TMEM132C: variants seen among roughly 807,000 people sequenced by gnomAD.
TMEM132C encodes the protein transmembrane protein 132C, also known as protein phosphatase 1, regulatory subunit 152.
In TMEM132C, 29 loss-of-function variants were observed where a neutral mutation model predicts 61.4. That is an observed-to-expected ratio of 0.47 (90% CI 0.35 to 0.64). TMEM132C has a LOEUF of 0.64. Ranked by LOEUF, TMEM132C falls within the 30% of genes least tolerant of loss-of-function variation. The probability of loss-of-function intolerance (pLI) is 0.00; values close to 1 mark genes in which losing one functional copy is unlikely to be tolerated. For synonymous variants in TMEM132C, 656 were observed against 633.1 expected, an observed-to-expected ratio of 1.04 and a Z score of -0.54; for missense variants, 1,408 against 1,476.9, an observed-to-expected ratio of 0.95 and a Z score of 0.76.
intron 3 of TMEM132C, among the ~76,000 whole-genome samples, chr12:128,589,995 G>A (rs1261487537): frequency 6.6e-6 from 1 of 152,160 alleles, no homozygotes; most frequent in African/African-American, 2.4e-5. Context: ...TTCCTCAAGA[G>A]GAAGAAAAAT....
At chr12:128,539,530 A>C (rs1208123975) in intron 2 of TMEM132C, among the ~76,000 whole-genome samples, 3 of 152,302 alleles carry the variant, frequency 2.0e-5, no homozygotes, top group East Asian at 3.9e-4. Flanking sequence ...AGGCAGGGGA[A>C]TCACTTAAAC....
At chr12:128,430,379 C>T (rs1263829439) in intron 2 of TMEM132C, among the ~76,000 whole-genome samples, 1 of 152,212 alleles carries the variant, frequency 6.6e-6, no homozygotes, top group Non-Finnish European at 1.5e-5. Context: ...GCAGACAAAA[C>T]CAGTTAGGCC....
At chr12:128,635,051 A>G (rs892828372) in intron 4 of TMEM132C, among the ~76,000 whole-genome samples, 15 of 152,230 alleles carry the variant, frequency 9.9e-5, no homozygotes, top group Non-Finnish European at 1.8e-4. Context: ...TATCACCCAC[A>G]AAAAATAATG....
chr12:128,611,676 G>T (rs963858476), intron 3 of TMEM132C, among the ~76,000 whole-genome samples: 2 of 152,198 alleles, frequency 1.3e-5, no homozygotes, highest in Non-Finnish European at 2.9e-5. Flanking sequence ...TAAGCCAGAG[G>T]CAGGAAACTG....
At chr12:128,502,037 G>A (rs564464979) in intron 2 of TMEM132C, among the ~76,000 whole-genome samples, 1 of 152,302 alleles carries the variant, frequency 6.6e-6, no homozygotes, top group East Asian at 1.9e-4. Flanking sequence ...TTAGAAGAAA[G>A]TCATTCTATT....
At chr12:128,325,757 C>T (rs995295197) in intron 1 of TMEM132C, among the ~76,000 whole-genome samples, 2 of 152,176 alleles carry the variant, frequency 1.3e-5, no homozygotes, top group African/African-American at 2.4e-5. Flanking sequence ...GGTGCTCCCC[C>T]AGTTGGATCC....
chr12:128,358,492 A>G (rs1873589225), intron 1 of TMEM132C, among the ~76,000 whole-genome samples: 1 of 26,144 alleles, frequency 3.8e-5, no homozygotes, highest in African/African-American at 1.4e-4. Flanking sequence ...CACTTTTAAA[A>G]TTGTGTGTGT....
At chr12:128,268,157 G>A (rs2135884854) in intron 1 of TMEM132C, among the ~76,000 whole-genome samples, 1 of 152,296 alleles carries the variant, frequency 6.6e-6, no homozygotes, top group African/African-American at 2.4e-5. Flanking sequence ...CCCTCGCGAC[G>A]GGAACTACCT....
At chr12:128,402,598 A>G (rs1875200071) in intron 1 of TMEM132C, among the ~76,000 whole-genome samples, 1 of 152,136 alleles carries the variant, frequency 6.6e-6, no homozygotes, top group Non-Finnish European at 1.5e-5. Flanking sequence ...GGAGAGCCCC[A>G]GCCTGAGCCA....
chr12:128,694,382 A>T (rs1048521180), intron 6 of TMEM132C, among the ~76,000 whole-genome samples: 1 of 152,194 alleles, frequency 6.6e-6, no homozygotes, highest in African/African-American at 2.4e-5. Context: ...CCTGTGCTTT[A>T]TGCATATCTA....
chr12:128,602,549 G>C (rs1036049883), intron 3 of TMEM132C, among the ~76,000 whole-genome samples: 4 of 152,222 alleles, frequency 2.6e-5, no homozygotes, highest in African/African-American at 7.2e-5. Context: ...TCCTTCACAG[G>C]GGTGTACGAT....
At chr12:128,345,091 G>A (rs1593018986) in intron 1 of TMEM132C, among the ~76,000 whole-genome samples, 1 of 151,892 alleles carries the variant, frequency 6.6e-6, no homozygotes, top group African/African-American at 2.4e-5. Flanking sequence ...AGGCCTCAGT[G>A]TGTGTTGTTT....
chr12:128,608,140 C>T (rs7307893), intron 3 of TMEM132C, among the ~76,000 whole-genome samples: 9,201 of 152,172 alleles, frequency 0.06, 922 homozygotes, highest in African/African-American at 0.21. Flanking sequence ...TCTTTCTGGG[C>T]TATTAAACAG....
chr12:128,463,705 G>A lies in TMEM132C; in HGVS notation c.974+48085G>A, dbSNP rs543822218. ...TTCCCCGTTCCTCTCCCATCTCGGT[G>A]TGCCATGAGATACACACCAGCTCTT... On this transcript the variant is annotated intron_variant, in intron 2 of 8. Transcript: ENST00000435159. 1.2e-4 allele frequency among the ~76,000 whole-genome samples: 18 copies of A among 152,180 alleles called. No homozygotes were observed. In the South Asian group the frequency reaches 3.1e-3, roughly 26 times the overall value.
chr12:128,550,322 A>C (rs2136154617), intron 3 of TMEM132C, among the ~76,000 whole-genome samples: 1 of 148,172 alleles, frequency 6.7e-6, no homozygotes, highest in Middle Eastern at 3.4e-3. Context: ...TTTTTTTTCG[A>C]GACAGGGTCT....
chr12:128,565,875 GA>G (rs768067209), intron 3 of TMEM132C, among the ~76,000 whole-genome samples: 4,444 of 130,964 alleles, frequency 0.034, 193 homozygotes, highest in African/African-American at 0.11. Context: ...CTAAATAGGT[GA>G]AAAAAAAAAA....
At chr12:128,493,033 G>T (rs1871800002) in intron 2 of TMEM132C, among the ~76,000 whole-genome samples, 1 of 152,044 alleles carries the variant, frequency 6.6e-6, no homozygotes, top group Admixed American at 6.6e-5. Context: ...TGTATAAGGT[G>T]TAAGGAAGGG....
chr12:128,358,636 A>G (rs1873597365), intron 1 of TMEM132C, among the ~76,000 whole-genome samples: 5 of 151,990 alleles, frequency 3.3e-5, no homozygotes, highest in Admixed American at 3.3e-4. Flanking sequence ...TGAACCAACC[A>G]TGGGGTCCCC....
rs1398299370 is a variant in TMEM132C, at chr12:128,547,980, GTTGATCCCCCATGACCACTCACCCCTA to G, written c.1121+3887_1121+3913del. 7.1e-4 allele frequency among the ~76,000 whole-genome samples: 108 copies of G among 152,150 alleles called. 1 individual carries two copies. The highest frequency in any genetic ancestry group is 1.6e-3 in the African/African-American group (67 of 41,530). ...TTTGCCCACATGACCGCTCACCCCT[GTTGATCCCCCATGACCACTCACCCCTA>G]TTGATCCCCATACATAGAAGCCTTC... On this transcript the variant is annotated intron_variant, in intron 3 of 8. Coordinates refer to ENST00000435159, the MANE Select transcript of TMEM132C (RefSeq NM_001136103.3).
Sources: gnomAD v4.1 joint callset for allele counts (sites outside exome capture counted in the v4.1 genomes callset) on GRCh38, gnomAD v4.1.1 for gene constraint, MANE v1.5 for transcripts, NCBI Gene and HGNC (gene_info 2026-07-23, HGNC 2026-07-21) for gene names.